Variants in MMP26 observed in about 807,000 individuals in gnomAD.
The protein encoded by MMP26 is matrix metalloproteinase-26.
MMP26 carries 33 observed loss-of-function variants against 31.0 expected under a neutral mutation model. The observed-to-expected ratio is 1.06, with a 90% CI of 0.81 to 1.42. The LOEUF (loss-of-function observed/expected upper bound fraction) is 1.42. Ranked by LOEUF, MMP26 falls within the 40% of genes most tolerant of loss-of-function variation. MMP26 has a pLI of 0.00. For missense variants in MMP26, 347 were observed against 316.1 expected, an observed-to-expected ratio of 1.10 and a Z score of -0.74; for synonymous variants, 122 against 114.9, an observed-to-expected ratio of 1.06 and a Z score of -0.40.
intron 2 of MMP26, chr11:4,923,297 T>C: frequency 2.1e-6 from 3 of 1,437,674 alleles, no homozygotes; most frequent in Non-Finnish European, 2.8e-6. Flanking sequence ...AACGGTTTAT[T>C]ATTTTGCCAC....
At chr11:4,824,981 G>A (rs1055741114) in intron 2 of MMP26, among the ~76,000 whole-genome samples, 2 of 152,220 alleles carry the variant, frequency 1.3e-5, no homozygotes, top group African/African-American at 4.8e-5. Flanking sequence ...AATGCCTTCA[G>A]TAAATAAGCT....
chr11:4,933,513 CTGT>C (rs1306583969), intron 2 of MMP26, among the ~76,000 whole-genome samples: 4 of 145,180 alleles, frequency 2.8e-5, no homozygotes, highest in Admixed American at 6.9e-5. Flanking sequence ...AACCATTACC[CTGT>C]TATTTTTTTT....
intron 2 of MMP26, among the ~76,000 whole-genome samples, chr11:4,925,591 C>G (rs947932947): frequency 5.9e-5 from 9 of 151,746 alleles, no homozygotes; most frequent in African/African-American, 2.2e-4. Context: ...TGGAGAAAGT[C>G]CCTAGGAGAT....
chr11:4,950,209 A>C lies in MMP26; in HGVS notation c.-144-37859A>C, dbSNP rs538866613. ...AAAATCTTGTAGAAAAACTATGGTA[A>C]TATTTTCATGATTTGGGATAACCAT... On this transcript the variant is annotated intron_variant, in intron 2 of 7. Coordinates refer to ENST00000380390, the MANE Select transcript of MMP26 (RefSeq NM_021801.5). 2.4e-5 allele frequency among the ~76,000 whole-genome samples: 3 copies of C among 123,714 alleles called. 1 individual carries two copies. The highest frequency in any genetic ancestry group is 5.5e-5 in the Non-Finnish European group (3 of 54,460). The allele number at this position is 123,714 out of a possible 152,430, so 81.2% of individuals were successfully genotyped here.
intron 1 of MMP26, among the ~76,000 whole-genome samples, chr11:4,764,700 C>T (rs139040146): frequency 0.013 from 1,928 of 152,208 alleles, 40 homozygotes; most frequent in African/African-American, 0.044. Flanking sequence ...GGTGAAACCC[C>T]GTCTCTACTA....
At chr11:4,705,504 GCTGT>G (rs1847763632) in intron 1 of MMP26, among the ~76,000 whole-genome samples, 1 of 152,152 alleles carries the variant, frequency 6.6e-6, no homozygotes, top group Non-Finnish European at 1.5e-5. Flanking sequence ...TGTTGTGAGG[GCTGT>G]CTATTTAGAT....
At chr11:4,973,104 CAGCTAGGG>C (rs1443114079) in intron 2 of MMP26, 1 of 196,328 alleles carries the variant, frequency 5.1e-6, no homozygotes, top group African/African-American at 2.4e-5. Flanking sequence ...CGGTAGATGA[CAGCTAGGG>C]AGATAATGGG....
At chr11:4,759,515 C>T (rs921983504) in intron 1 of MMP26, among the ~76,000 whole-genome samples, 2 of 151,998 alleles carry the variant, frequency 1.3e-5, no homozygotes, top group Admixed American at 1.3e-4. Context: ...TATTGAGTGC[C>T]TACTTTGCAC....
intron 2 of MMP26, among the ~76,000 whole-genome samples, chr11:4,772,348 G>A (rs1453578981): frequency 6.6e-6 from 1 of 152,140 alleles, no homozygotes; most frequent in African/African-American, 2.4e-5. Flanking sequence ...GTACTGGCAA[G>A]ATAGGAAAAG....
chr11:4,740,174 T>C (rs1236271693), intron 1 of MMP26, among the ~76,000 whole-genome samples: 11 of 145,512 alleles, frequency 7.6e-5, no homozygotes, highest in Admixed American at 7.4e-4. Context: ...AAAATAAAAA[T>C]AAGATCCTTA....
intron 2 of MMP26, among the ~76,000 whole-genome samples, chr11:4,986,955 C>T (rs1313408503): frequency 2.1e-5 from 3 of 143,768 alleles, no homozygotes; most frequent in African/African-American, 7.8e-5. Flanking sequence ...CTCTCTCTCT[C>T]TCTCCCTCTC....
At position 4,786,145 on chromosome 11, in the gene MMP26, G is replaced by A. The variant is rs953641774; in HGVS notation, c.-145+18804G>A. On this transcript the variant is annotated intron_variant, in intron 2 of 7. Coordinates refer to ENST00000380390, the MANE Select transcript of MMP26 (RefSeq NM_021801.5). ...AGCCTGGGTGTGTGTGAAACTGCAG[G>A]ACCCTGGAGTAGGTAAGGAGCTGCT... Among the ~76,000 whole-genome samples, 25 of 152,280 alleles carry A rather than the reference G, an allele frequency of 1.6e-4. 1 individual carries two copies. Among genetic ancestry groups the A allele is most frequent in the African/African-American group, 5.8e-4 (24 of 41,556 alleles).
At chr11:4,722,806 C>A in intron 1 of MMP26, 1 of 971,226 alleles carries the variant, frequency 1.0e-6, no homozygotes, top group Non-Finnish European at 1.6e-6. Flanking sequence ...TTCACAACCA[C>A]GGCCCTGGTG....
intron 2 of MMP26, among the ~76,000 whole-genome samples, chr11:4,986,401 G>A (rs1298827709): frequency 6.6e-6 from 1 of 150,930 alleles, no homozygotes; most frequent in Non-Finnish European, 1.5e-5. Flanking sequence ...AGGCTAGAAT[G>A]CAGTGGCATG....
At chr11:4,769,714 T>C (rs1182294140) in intron 2 of MMP26, 6 of 1,613,286 alleles carry the variant, frequency 3.7e-6, no homozygotes, top group Admixed American at 3.3e-5. Context: ...CAGTGGCTGA[T>C]AGCCTGAAGA....
chr11:4,740,325 G>A (rs1356222932), intron 1 of MMP26, among the ~76,000 whole-genome samples: 1 of 152,046 alleles, frequency 6.6e-6, no homozygotes, highest in Non-Finnish European at 1.5e-5. Context: ...AAATGACCAA[G>A]AAAGTTAATA....
At chr11:4,950,997 C>T (rs1460218351) in intron 2 of MMP26, among the ~76,000 whole-genome samples, 1 of 123,614 alleles carries the variant, frequency 8.1e-6, no homozygotes, top group African/African-American at 2.7e-5. Flanking sequence ...ACATAAATAC[C>T]TACCCTATGA....
intron 2 of MMP26, among the ~76,000 whole-genome samples, chr11:4,932,447 A>G (rs118186487): frequency 0.018 from 2,767 of 152,224 alleles, 32 homozygotes; most frequent in Middle Eastern, 0.037. Context: ...TCTTGAAAAC[A>G]GTTTTTCTTG....
chr11:4,749,801 A>C lies in MMP26; in HGVS notation c.-216-17469A>C, dbSNP rs548183544. Among the ~76,000 whole-genome samples the C allele has an allele frequency of 5.3e-5, 8 of 152,304 alleles. No homozygotes were observed. The South Asian group carries it at 1.7e-3, about 32-fold the overall frequency. Reference sequence around the variant, plus strand: ...AACTCAAGATGGAATAAAGACTCAAATGTAAGACCTGAATTTATAAAAACA... The same window carrying C: ...AACTCAAGATGGAATAAAGACTCAACTGTAAGACCTGAATTTATAAAAACA... On this transcript the variant is annotated intron_variant, in intron 1 of 7. Transcript: ENST00000380390.
Sources: gnomAD v4.1 joint callset for allele counts (sites outside exome capture counted in the v4.1 genomes callset) on GRCh38, gnomAD v4.1.1 for gene constraint, MANE v1.5 for transcripts, NCBI Gene and HGNC (gene_info 2026-07-23, HGNC 2026-07-21) for gene names.